The following GALNT18 variants were observed in gnomAD, a reference collection of about 807,000 sequenced individuals.
GALNT18 encodes the protein polypeptide N-acetylgalactosaminyltransferase 18, also known as GalNAc-transferase 18.
Under a neutral mutation model 69.5 loss-of-function variants are expected in GALNT18, and 44 were observed. The ratio of observed to expected loss-of-function variants is 0.63; its 90% CI spans 0.50 to 0.81. The LOEUF (loss-of-function observed/expected upper bound fraction) is 0.81, where lower values mean the gene tolerates loss of function less well. GALNT18 is among the 40% of genes least tolerant of loss of function. GALNT18 has a pLI of 0.00. For missense variants in GALNT18, 715 were observed against 810.0 expected (o/e 0.88, Z 1.42); for synonymous variants, 364 against 318.2 (o/e 1.14, Z -1.53).
intron 10 of GALNT18, among the ~76,000 whole-genome samples, chr11:11,278,712 G>A (rs1485520786): frequency 6.6e-6 from 1 of 152,082 alleles, no homozygotes; most frequent in East Asian, 1.9e-4. Flanking sequence ...AAAGGTAGTA[G>A]GGAGGAGAGG....
intron 1 of GALNT18, among the ~76,000 whole-genome samples, chr11:11,450,703 A>C (rs1855775185): frequency 6.6e-6 from 1 of 152,226 alleles, no homozygotes; most frequent in African/African-American, 2.4e-5. Context: ...ATCAGAGCTA[A>C]CACTTGATGA....
In GALNT18 at chr11:11,621,602, C is replaced by T; in HGVS notation, c.-9G>A. 6.4e-7 allele frequency: 1 copy of T among 1,573,816 alleles called. No homozygotes were observed. The highest frequency in any genetic ancestry group is 8.6e-7 in the Non-Finnish European group (1 of 1,157,980). On this transcript the variant is annotated 5_prime_UTR_variant, in exon 1 of 11. Coordinates refer to ENST00000227756, the MANE Select transcript of GALNT18 (RefSeq NM_198516.3). The surrounding 1 kb of genome is among the most constrained non-coding windows in gnomAD (Gnocchi z 9.3). ...TTCCTGGTGCACACCATTCTGGGCT[C>T]CTTCCTCCATATAGAGCTCCCGGGG...
intron 2 of GALNT18, among the ~76,000 whole-genome samples, chr11:11,440,294 G>C (rs543591291): frequency 3.7e-4 from 56 of 152,208 alleles, no homozygotes; most frequent in Non-Finnish European, 7.1e-4. Flanking sequence ...TGGGGAATGT[G>C]GGATCCCTGG....
chr11:11,579,382 T>A (rs886170097), intron 1 of GALNT18, among the ~76,000 whole-genome samples: 6 of 152,224 alleles, frequency 3.9e-5, no homozygotes, highest in South Asian at 4.1e-4. Flanking sequence ...CTCACTGGCT[T>A]GCTCACTTCA....
rs1272091638 is a variant in GALNT18 at position 11,401,558 on chromosome 11, TAC to T, written c.596-22296_596-22295del. On this transcript the variant is annotated intron_variant, in intron 3 of 10. Coordinates refer to ENST00000227756, the MANE Select transcript of GALNT18 (RefSeq NM_198516.3). ...AAGTACCCCTTTGACATCCTGAGCA[TAC>T]ACTCATCTTCTAGGAACAAGGATAC... is the stretch of plus-strand genomic sequence containing the variant. Among the ~76,000 whole-genome samples, 19 of 152,364 alleles carry T rather than the reference TAC, an allele frequency of 1.2e-4. 1 individual carries two copies. Among genetic ancestry groups the T allele is most frequent in the Admixed American group, 1.2e-3 (19 of 15,304 alleles).
intron 7 of GALNT18, among the ~76,000 whole-genome samples, chr11:11,336,707 C>CA (rs1331736237): frequency 2.6e-5 from 4 of 152,202 alleles, no homozygotes; most frequent in Non-Finnish European, 4.4e-5. Flanking sequence ...AAGCATATAG[C>CA]ATCCATGCAT....
At chr11:11,594,694 T>C (rs552966672) in intron 1 of GALNT18, among the ~76,000 whole-genome samples, 55 of 152,082 alleles carry the variant, frequency 3.6e-4, no homozygotes, top group African/African-American at 1.3e-3. Context: ...ACCATATTTG[T>C]TTATCCATTC....
chr11:11,499,743 C>T (rs1297604435), intron 1 of GALNT18, among the ~76,000 whole-genome samples: 1 of 152,232 alleles, frequency 6.6e-6, no homozygotes, highest in East Asian at 1.9e-4. Context: ...AGCTATACCT[C>T]TTCCTGGTGA....
intron 10 of GALNT18, among the ~76,000 whole-genome samples, chr11:11,277,662 A>G (rs1328114717): frequency 2.0e-5 from 3 of 152,140 alleles, no homozygotes; most frequent in Non-Finnish European, 4.4e-5. Flanking sequence ...CCTCTACAAC[A>G]CTGCTTTAAA....
intron 9 of GALNT18, among the ~76,000 whole-genome samples, chr11:11,312,431 A>C (rs1849687324): frequency 6.6e-6 from 1 of 152,228 alleles, no homozygotes; most frequent in Non-Finnish European, 1.5e-5. Context: ...AAGATGAGAA[A>C]AATTTACTAA....
chr11:11,597,973 T>G (rs1174608225), intron 1 of GALNT18, among the ~76,000 whole-genome samples: 6 of 152,014 alleles, frequency 3.9e-5, no homozygotes, highest in Non-Finnish European at 7.3e-5. Context: ...AATTTGAGTA[T>G]TCTTTTTGCC....
At chr11:11,291,404 CTA>C (rs1467844801) in intron 10 of GALNT18, among the ~76,000 whole-genome samples, 1 of 152,202 alleles carries the variant, frequency 6.6e-6, no homozygotes. Flanking sequence ...GTTTCCTCAT[CTA>C]TGAGGTCAGG....
chr11:11,474,487 G>A (rs917734517), intron 1 of GALNT18, among the ~76,000 whole-genome samples: 1 of 152,186 alleles, frequency 6.6e-6, no homozygotes, highest in African/African-American at 2.4e-5. Flanking sequence ...AGCAAAAGAG[G>A]AACAGAATCC....
intron 6 of GALNT18, among the ~76,000 whole-genome samples, chr11:11,345,036 A>ACACC (rs763197626): frequency 6.6e-6 from 1 of 152,158 alleles, no homozygotes; most frequent in Non-Finnish European, 1.5e-5. Flanking sequence ...ACGGTCCTGT[A>ACACC]CACCCACCTT....
At position 11,618,816 on chromosome 11, in the gene GALNT18, T is replaced by C. The variant is rs1379529133; in HGVS notation, c.235+2543A>G. Among the ~76,000 whole-genome samples, 2 of 152,214 alleles carry C rather than the reference T, an allele frequency of 1.3e-5. No homozygotes were observed. The highest frequency in any genetic ancestry group is 2.4e-5 in the African/African-American group (1 of 41,452). On this transcript the variant is annotated intron_variant, in intron 1 of 10. Coordinates refer to ENST00000227756, the MANE Select transcript of GALNT18 (RefSeq NM_198516.3). This position sits in a 1 kb window ranked among gnomAD's most constrained non-coding sequence, Gnocchi z 6.1. The stretch of plus-strand genomic sequence containing the variant: ...AGGGCCTGACATATCCTAGGTGCTA[T>C]GTTATTTTAGCTCTTATTATTATTA...
intron 1 of GALNT18, among the ~76,000 whole-genome samples, chr11:11,449,555 C>A (rs1426649067): frequency 6.6e-6 from 1 of 152,250 alleles, no homozygotes; most frequent in Non-Finnish European, 1.5e-5. Context: ...CCAAGCCACA[C>A]CCAGCCTGCC....
rs1472111153 is a variant in GALNT18, at chr11:11,604,986, T to C, written c.235+16373A>G. Among the ~76,000 whole-genome samples, 4 of 152,174 alleles carry C rather than the reference T, an allele frequency of 2.6e-5. No individual in the cohort carries two copies. Among genetic ancestry groups the C allele is most frequent in the Non-Finnish European group, 5.9e-5 (4 of 68,040 alleles). ...TGGAATAGTCCTTTTTAAATGACAT[T>C]TTCAATTTTTCCCCTATGTCTACTA... On this transcript the variant is annotated intron_variant, in intron 1 of 10. Transcript: ENST00000227756. The surrounding 1 kb of genome is among the most constrained non-coding windows in gnomAD (Gnocchi z 5.6).
At position 11,592,977 on chromosome 11, in the gene GALNT18, G is replaced by C. The variant is rs113683875; in HGVS notation, c.235+28382C>G. Among the ~76,000 whole-genome samples, 76 of 152,128 alleles carry C rather than the reference G, an allele frequency of 5.0e-4. 1 individual carries two copies. Among genetic ancestry groups the C allele is most frequent in the African/African-American group, 1.8e-3 (74 of 41,498 alleles). Reference sequence around the variant, plus strand: ...GTCTCCCAGGCTGGAGTGCAGTGGCGCAATCTCAGCTCACTGCAAGCTGCG... The same window carrying C: ...GTCTCCCAGGCTGGAGTGCAGTGGCCCAATCTCAGCTCACTGCAAGCTGCG... On this transcript the variant is annotated intron_variant, in intron 1 of 10. Coordinates refer to ENST00000227756, the MANE Select transcript of GALNT18 (RefSeq NM_198516.3). This position sits in a 1 kb window ranked among gnomAD's most constrained non-coding sequence, Gnocchi z 5.9.
chr11:11,328,560 G>A lies in GALNT18; in HGVS notation c.1417-1379C>T, dbSNP rs116162748. On this transcript the variant is annotated intron_variant, in intron 8 of 10. Transcript: ENST00000227756. ...ATACCCTGTTCCTAACAGGGGACAA[G>A]GAACAGAGTTGAATTCTTTTCTTTT... 4.4e-3 allele frequency among the ~76,000 whole-genome samples: 666 copies of A among 152,294 alleles called. 5 individuals carry two copies. The highest frequency in any genetic ancestry group is 0.015 in the African/African-American group (633 of 41,558).
Sources: allele counts gnomAD v4.1 joint callset (sites outside exome capture counted in the v4.1 genomes callset), GRCh38; gene constraint gnomAD v4.1.1; non-coding constraint Gnocchi (gnomAD v3.1); transcripts MANE v1.5; gene names NCBI Gene and HGNC (gene_info 2026-07-23, HGNC 2026-07-21).